FSTL4: variants seen among roughly 807,000 people sequenced by gnomAD.
The protein encoded by FSTL4 is follistatin like 4.
In FSTL4, 28 loss-of-function variants were observed where a neutral mutation model predicts 78.2. That is an observed-to-expected ratio of 0.36 (90% CI 0.27 to 0.49). FSTL4 has a LOEUF of 0.49. FSTL4 is among the 20% of genes least tolerant of loss of function. The pLI, the probability that FSTL4 is intolerant of heterozygous loss-of-function variation, is 0.98. For synonymous variants in FSTL4, 422 were observed against 440.5 expected (o/e 0.96, Z 0.53); for missense variants, 922 against 1,084.9 (o/e 0.85, Z 2.11).
At chr5:133,290,422 G>T (rs1753234489) in intron 6 of FSTL4, among the ~76,000 whole-genome samples, 1 of 152,232 alleles carries the variant, frequency 6.6e-6, no homozygotes, top group Admixed American at 6.5e-5. Context: ...AGCCTCTGTG[G>T]CATGGAGATA....
chr5:133,829,081 C>T, the FSTL4 span, among the ~76,000 whole-genome samples: 1 of 152,184 alleles, frequency 6.6e-6, no homozygotes, highest in African/African-American at 2.4e-5. Flanking sequence ...AGGGATTGCT[C>T]ATGTTCCTCC....
chr5:133,549,076 C>A (rs246416), intron 3 of FSTL4, among the ~76,000 whole-genome samples: 2 of 152,066 alleles, frequency 1.3e-5, no homozygotes, highest in Non-Finnish European at 2.9e-5. Context: ...GATAGCCTTA[C>A]GTTTCTTTTT....
intron 4 of FSTL4, among the ~76,000 whole-genome samples, chr5:133,320,274 G>C (rs1463216746): frequency 6.6e-6 from 1 of 152,184 alleles, no homozygotes; most frequent in Non-Finnish European, 1.5e-5. Context: ...CTAGCAAGGT[G>C]TGTCAAAGTC....
intron 7 of FSTL4, among the ~76,000 whole-genome samples, chr5:133,239,725 A>G (rs150719379): frequency 0.019 from 2,909 of 151,546 alleles, 82 homozygotes; most frequent in African/African-American, 0.066. Context: ...GAATGCACCA[A>G]TCGGCACTCT....
the FSTL4 span, among the ~76,000 whole-genome samples, chr5:133,657,783 T>G: frequency 1.3e-5 from 2 of 151,272 alleles, no homozygotes; most frequent in African/African-American, 4.8e-5. Flanking sequence ...TTGTTTTTTT[T>G]TTTTTTTACC....
chr5:133,288,325 G>C (rs1174768703), intron 6 of FSTL4, among the ~76,000 whole-genome samples: 1 of 152,128 alleles, frequency 6.6e-6, no homozygotes, highest in Non-Finnish European at 1.5e-5. Flanking sequence ...CCTCTGTCCC[G>C]GGGGTCCCCC....
chr5:133,531,592 G>A (rs939097511), intron 3 of FSTL4, among the ~76,000 whole-genome samples: 4 of 152,200 alleles, frequency 2.6e-5, no homozygotes, highest in African/African-American at 4.8e-5. Flanking sequence ...AATGAACAGC[G>A]ATGGAGTGAG....
the FSTL4 span, among the ~76,000 whole-genome samples, chr5:133,644,947 C>T: frequency 6.6e-6 from 1 of 152,138 alleles, no homozygotes; most frequent in Non-Finnish European, 1.5e-5. Flanking sequence ...TAGCTCCCGA[C>T]AGGCAGCTCC....
At chr5:133,535,915 G>A (rs80220480) in intron 3 of FSTL4, among the ~76,000 whole-genome samples, 2 of 152,166 alleles carry the variant, frequency 1.3e-5, no homozygotes, top group Non-Finnish European at 2.9e-5. Context: ...TGTCATAATA[G>A]TGCATATGGC....
chr5:133,460,290 C>G (rs890157205), intron 3 of FSTL4, among the ~76,000 whole-genome samples: 1 of 152,024 alleles, frequency 6.6e-6, no homozygotes, highest in Admixed American at 6.6e-5. Context: ...ACCGGTAACA[C>G]CTTCCCCAGT....
chr5:133,729,734 A>G, the FSTL4 span, among the ~76,000 whole-genome samples: 1 of 152,178 alleles, frequency 6.6e-6, no homozygotes, highest in Non-Finnish European at 1.5e-5. Flanking sequence ...AGAGAAGAAG[A>G]AAAAGAAGGA....
Position 133,611,653 on chromosome 5 carries a change from G to A in FSTL4, c.-11+672C>T, listed in dbSNP as rs1761096144. 6.6e-6 allele frequency among the ~76,000 whole-genome samples: 1 copy of A among 152,154 alleles called. No homozygotes were observed. The highest frequency in any genetic ancestry group is 1.5e-5 in the Non-Finnish European group (1 of 68,016). ...CCCCGGGCCGCTCACTCTGGACCGC[G>A]GCCGGCTACGCACAAGCAGCGCCGC... is the stretch of plus-strand genomic sequence containing the variant. On this transcript the variant is annotated intron_variant, in intron 1 of 15. Coordinates refer to ENST00000265342, the MANE Select transcript of FSTL4 (RefSeq NM_015082.2). The surrounding 1 kb of genome is among the most constrained non-coding windows in gnomAD (Gnocchi z 4.9).
chr5:133,600,058 T>C (rs1349865034), intron 2 of FSTL4, among the ~76,000 whole-genome samples: 1 of 152,206 alleles, frequency 6.6e-6, no homozygotes, highest in Non-Finnish European at 1.5e-5. Context: ...GTCCCTGACT[T>C]AGGTTTGGTT....
chr5:133,746,532 T>C, the FSTL4 span, among the ~76,000 whole-genome samples: 1 of 151,978 alleles, frequency 6.6e-6, no homozygotes, highest in Non-Finnish European at 1.5e-5. Context: ...GTTTCCAGAG[T>C]GAGGGGACTC....
At chr5:133,743,339 T>C in the FSTL4 span, among the ~76,000 whole-genome samples, 1 of 152,194 alleles carries the variant, frequency 6.6e-6, no homozygotes, top group Non-Finnish European at 1.5e-5. Context: ...TTCAAACTGT[T>C]TGTCATTGGA....
chr5:133,627,124 C>T, the FSTL4 span, among the ~76,000 whole-genome samples: 1 of 146,370 alleles, frequency 6.8e-6, no homozygotes, highest in Non-Finnish European at 1.5e-5. Flanking sequence ...ACCCTTTTAC[C>T]ATTATATGAT....
the FSTL4 span, among the ~76,000 whole-genome samples, chr5:133,742,064 T>C: frequency 6.6e-6 from 1 of 152,256 alleles, no homozygotes; most frequent in Non-Finnish European, 1.5e-5. Context: ...ATTTAGCCCA[T>C]ATGGCTTTCT....
At chr5:133,791,593 A>C in the FSTL4 span, among the ~76,000 whole-genome samples, 3 of 152,300 alleles carry the variant, frequency 2.0e-5, no homozygotes, top group East Asian at 3.9e-4. Flanking sequence ...AGCATCTTCC[A>C]AGCCCATCAG....
At chr5:133,417,643 T>C (rs897984865) in intron 3 of FSTL4, among the ~76,000 whole-genome samples, 1 of 152,056 alleles carries the variant, frequency 6.6e-6, no homozygotes, top group Non-Finnish European at 1.5e-5. Context: ...AAAAGACACA[T>C]TATTTTCAGG....
Sources: gnomAD v4.1 joint callset for allele counts (sites outside exome capture counted in the v4.1 genomes callset) on GRCh38, gnomAD v4.1.1 for gene constraint, Gnocchi (gnomAD v3.1) non-coding constraint, MANE v1.5 for transcripts, NCBI Gene and HGNC (gene_info 2026-07-23, HGNC 2026-07-21) for gene names.